ZIM2: variants seen among roughly 807,000 people sequenced by gnomAD.
The protein encoded by ZIM2 is zinc finger protein 656.
A neutral mutation model predicts 38.6 loss-of-function variants in ZIM2; 14 were observed. The observed-to-expected ratio is 0.36, with a 90% CI of 0.24 to 0.57. The LOEUF (loss-of-function observed/expected upper bound fraction) is 0.57, where lower values mean the gene tolerates loss of function less well. Ranked by LOEUF, ZIM2 falls within the 20% of genes least tolerant of loss-of-function variation. ZIM2 has a pLI of 0.81. For missense variants in ZIM2, 680 were observed against 695.1 expected (o/e 0.98, Z 0.24); for synonymous variants, 247 against 245.8 (o/e 1.00, Z -0.04).
chr19:56,805,105 T>G (rs2047694061), intron 9 of ZIM2, among the ~76,000 whole-genome samples: 1 of 152,170 alleles, frequency 6.6e-6, no homozygotes, highest in South Asian at 2.1e-4. Context: ...TACTGACATT[T>G]TGGGTCGGTT....
chr19:56,809,996 G>A (rs1175339398), intron 9 of ZIM2: 2 of 241,624 alleles, frequency 8.3e-6, no homozygotes, highest in African/African-American at 4.7e-5. Flanking sequence ...GGCTAAAGGA[G>A]GAACTAAGCT....
chr19:56,817,669 G>T, intron 9 of ZIM2, 77 bp downstream of exon 9: 1 of 1,531,312 alleles, frequency 6.5e-7, no homozygotes, highest in Non-Finnish European at 9.0e-7. Flanking sequence ...TGATGTTTAG[G>T]AATGCAAAGT....
intron 1 of ZIM2, among the ~76,000 whole-genome samples, chr19:56,836,690 T>C (rs2146654714): frequency 6.6e-6 from 1 of 152,224 alleles, no homozygotes; most frequent in South Asian, 2.1e-4. Context: ...ATTCAAAGGA[T>C]GGGCGCAGTG....
intron 1 of ZIM2, among the ~76,000 whole-genome samples, chr19:56,837,096 CAGGGCTAGGTAAGTGAGCTCT>C (rs1481766564): frequency 2.0e-5 from 3 of 151,982 alleles, no homozygotes; most frequent in Non-Finnish European, 4.4e-5. Flanking sequence ...TGGGTGGAGC[CAGGGCTAGGTAAGTGAGCTCT>C]AGGACTCCGT....
intron 2 of ZIM2, among the ~76,000 whole-genome samples, chr19:56,829,597 G>A (rs1373449518): frequency 2.6e-5 from 4 of 152,202 alleles, no homozygotes; most frequent in Admixed American, 2.6e-4. Flanking sequence ...AGGAAGTGCT[G>A]GTCAACCTTC....
In ZIM2 at chr19:56,789,914, C is replaced by T; in HGVS notation, c.528G>A (p.Arg176=). The T allele has an allele frequency of 6.3e-7, 1 of 1,582,062 alleles. No homozygotes were observed. Among genetic ancestry groups the T allele is most frequent in the Non-Finnish European group, 8.6e-7 (1 of 1,158,118 alleles). Residue 176 remains arginine (R), a synonymous_variant, in exon 10 of 13, where the codon AGG becomes AGA. Transcript: ENST00000629319. ...GCAGATTGTCTAACATCTCTGTGTT[C>T]CTCTTTTCTGCAGGGACAGAGTCCT... ...LAQDSVPAEK[R]NTEMLDNLPS...
At chr19:56,792,007 C>T (rs566821051) in intron 9 of ZIM2, among the ~76,000 whole-genome samples, 1 of 151,240 alleles carries the variant, frequency 6.6e-6, no homozygotes, top group Non-Finnish European at 1.5e-5. Context: ...ATATTAATGC[C>T]ACAAGCAATC....
intron 2 of ZIM2, among the ~76,000 whole-genome samples, chr19:56,835,687 T>C (rs973725362): frequency 6.6e-6 from 1 of 152,252 alleles, no homozygotes; most frequent in Non-Finnish European, 1.5e-5. Context: ...TCCCAGTACC[T>C]GGCACAAAGT....
chr19:56,813,718 T>A, intron 9 of ZIM2: 2 of 1,614,048 alleles, frequency 1.2e-6, no homozygotes, highest in South Asian at 1.1e-5. Flanking sequence ...GGACAGGCGG[T>A]CATTGAAGAG....
chr19:56,840,373 C>T (rs907879666), intron 1 of ZIM2, among the ~76,000 whole-genome samples: 1 of 152,222 alleles, frequency 6.6e-6, no homozygotes, highest in East Asian at 1.9e-4. Context: ...AAGGCACCAA[C>T]CATCCACAGC....
At position 56,824,335 on chromosome 19, in the gene ZIM2, T is replaced by C; in HGVS notation, c.-58A>G. 1 of 1,614,066 alleles carries C rather than the reference T, an allele frequency of 6.2e-7. No homozygotes were observed. Among genetic ancestry groups the C allele is most frequent in the Non-Finnish European group, 8.5e-7 (1 of 1,180,024 alleles). The stretch of plus-strand genomic sequence containing the variant: ...TCTCACAGTTCTCCGGCTTTTTTGC[T>C]CGCACCCAAGGCTTGAGCTTTTCAG... On this transcript the variant is annotated 5_prime_UTR_variant, in exon 4 of 13. Transcript: ENST00000629319.
Position 56,814,253 on chromosome 19 carries a change from G to A in ZIM2, c.490+3493C>T. The A allele has an allele frequency of 6.2e-7, 1 of 1,613,346 alleles. No individual in the cohort carries two copies. The highest frequency in any genetic ancestry group is 8.5e-7 in the Non-Finnish European group (1 of 1,179,910). Reference sequence around the variant, plus strand: ...TCTGGCTCGGCAGCCTCCACTTCTGGCTCAGCAGCCTCTACGTTTAAGCCC... The same window carrying A: ...TCTGGCTCGGCAGCCTCCACTTCTGACTCAGCAGCCTCTACGTTTAAGCCC... On this transcript the variant is annotated intron_variant, in intron 9 of 12. Transcript: ENST00000629319. The surrounding 1 kb of genome is among the most constrained non-coding windows in gnomAD (Gnocchi z 5.8).
At chr19:56,824,571 TAGTC>T (rs1178050124) in intron 3 of ZIM2, 144 bp from the exon 4 acceptor site, 1 of 1,614,028 alleles carries the variant, frequency 6.2e-7, no homozygotes, top group Non-Finnish European at 8.5e-7. Context: ...TCCGGCTCCT[TAGTC>T]AAGTCACTGT....
intron 6 of ZIM2, chr19:56,822,544 T>C (rs1324779752): frequency 1.9e-6 from 1 of 539,718 alleles, no homozygotes; most frequent in African/African-American, 1.9e-5. Context: ...GCAAATAGTT[T>C]AGGTGGCAAC....
chr19:56,795,371 G>A (rs1325574140), intron 9 of ZIM2, among the ~76,000 whole-genome samples: 1 of 152,210 alleles, frequency 6.6e-6, no homozygotes, highest in Admixed American at 6.5e-5. Flanking sequence ...TGCCTCTTGC[G>A]CCCTCAAGTC....
At chr19:56,806,373 T>C (rs996531430) in intron 9 of ZIM2, among the ~76,000 whole-genome samples, 7 of 152,184 alleles carry the variant, frequency 4.6e-5, no homozygotes, top group Non-Finnish European at 1.0e-4. Flanking sequence ...TGATCCAAGA[T>C]GGTTGCTCCA....
chr19:56,838,840 C>A lies in ZIM2; in HGVS notation c.-314+1742G>T, dbSNP rs377426430. On this transcript the variant is annotated intron_variant, in intron 1 of 12. Coordinates refer to ENST00000629319, the MANE Select transcript of ZIM2 (RefSeq NM_001387356.1). ...CCGCAAGGCAGGCAAGCACAGCAACCGTGGCCCCGCCCCTCCCTGTGGACA... is the reference window on the plus strand; with the variant it reads ...CCGCAAGGCAGGCAAGCACAGCAACAGTGGCCCCGCCCCTCCCTGTGGACA... 3.3e-5 allele frequency among the ~76,000 whole-genome samples: 5 copies of A among 152,318 alleles called. No individual in the cohort carries two copies. In the South Asian group the frequency reaches 1.0e-3, roughly 32 times the overall value.
intron 8 of ZIM2, among the ~76,000 whole-genome samples, chr19:56,818,366 A>G (rs577854615): frequency 6.6e-6 from 1 of 152,298 alleles, no homozygotes; most frequent in East Asian, 1.9e-4. Context: ...GGCAAGAAGC[A>G]TCTCCCTGCT....
rs2046789072 is a variant in ZIM2, at chr19:56,789,107, T to G, written c.570+765A>C. Among the ~76,000 whole-genome samples the G allele has an allele frequency of 2.6e-5, 4 of 152,198 alleles. No individual in the cohort carries two copies. The South Asian group carries it at 8.3e-4, about 32-fold the overall frequency. On this transcript the variant is annotated intron_variant, in intron 10 of 12. Coordinates refer to ENST00000629319, the MANE Select transcript of ZIM2 (RefSeq NM_001387356.1). ...TTGGGTTAAAACATGCTCCTTTAGC[T>G]TGGAGGAGTTTGGATAAACAACAGT...
Sources: allele counts gnomAD v4.1 joint callset (sites outside exome capture counted in the v4.1 genomes callset), GRCh38; gene constraint gnomAD v4.1.1; non-coding constraint Gnocchi (gnomAD v3.1); transcripts MANE v1.5; gene names NCBI Gene and HGNC (gene_info 2026-07-23, HGNC 2026-07-21).